The following UNC79 variants were observed in gnomAD, a reference collection of about 807,000 sequenced individuals.
The protein encoded by UNC79 is protein unc-79 homolog.
Under a neutral mutation model 283.1 loss-of-function variants are expected in UNC79, and 37 were observed. The ratio of observed to expected loss-of-function variants is 0.13; its 90% CI spans 0.10 to 0.17. The LOEUF (loss-of-function observed/expected upper bound fraction) is 0.17, where lower values mean the gene tolerates loss of function less well. UNC79 is among the 10% of genes least tolerant of loss of function. The pLI, the probability that UNC79 is intolerant of heterozygous loss-of-function variation, is 1.00. For missense variants in UNC79, 2,272 were observed against 3,211.1 expected, an observed-to-expected ratio of 0.71 and a Z score of 7.07; for synonymous variants, 1,107 against 1,200.2, an observed-to-expected ratio of 0.92 and a Z score of 1.61.
At chr14:93,674,018 A>C (rs1237536755) in intron 41 of UNC79, among the ~76,000 whole-genome samples, 1 of 152,178 alleles carries the variant, frequency 6.6e-6, no homozygotes, top group Non-Finnish European at 1.5e-5. Flanking sequence ...AGAACTGGCA[A>C]CAATTATGCT....
chr14:93,543,906 G>A (rs1055182632), intron 14 of UNC79, among the ~76,000 whole-genome samples: 1 of 152,104 alleles, frequency 6.6e-6, no homozygotes, highest in East Asian at 1.9e-4. Context: ...AACTTTTATT[G>A]GATTTTCAGG....
At chr14:93,490,109 G>T (rs1303297761) in intron 5 of UNC79, among the ~76,000 whole-genome samples, 1 of 152,166 alleles carries the variant, frequency 6.6e-6, no homozygotes, top group Non-Finnish European at 1.5e-5. Flanking sequence ...TCTCAAAAGT[G>T]CTGGTGGCCT....
chr14:93,399,508 A>C (rs2055064669), intron 1 of UNC79, among the ~76,000 whole-genome samples: 2 of 152,034 alleles, frequency 1.3e-5, no homozygotes, highest in Admixed American at 6.6e-5. Flanking sequence ...CTTTTTTTCC[A>C]CCCATTTTTC....
chr14:93,463,672 G>C (rs892238688), intron 1 of UNC79, among the ~76,000 whole-genome samples: 1 of 152,106 alleles, frequency 6.6e-6, no homozygotes, highest in African/African-American at 2.4e-5. Context: ...TGTATACCAG[G>C]CACTGTGCAA....
chr14:93,630,315 A>G (rs1159411427), intron 30 of UNC79, among the ~76,000 whole-genome samples: 1 of 152,218 alleles, frequency 6.6e-6, no homozygotes, highest in East Asian at 1.9e-4. Flanking sequence ...CACCTGACCC[A>G]GCATTTTTGT....
intron 48 of UNC79, among the ~76,000 whole-genome samples, chr14:93,705,965 G>A (rs1417741398): frequency 6.6e-6 from 1 of 152,116 alleles, no homozygotes; most frequent in Non-Finnish European, 1.5e-5. Context: ...GGCGGCCGTC[G>A]GGGGCATGGG....
At chr14:93,582,052 G>T (rs1791444039) in intron 19 of UNC79, 151 bp from the exon 20 acceptor site, 22 of 1,066,718 alleles carry the variant, frequency 2.1e-5, no homozygotes, top group East Asian at 1.2e-4. Flanking sequence ...AAGCTCCAGG[G>T]TCTTCTGGGG....
intron 1 of UNC79, chr14:93,437,421 G>A (rs2056127059): frequency 6.6e-6 from 1 of 151,988 alleles, no homozygotes; most frequent in Admixed American, 6.6e-5. Context: ...ACTTTTCACA[G>A]ATTTATGTGT....
rs140642674 is a variant in UNC79 at position 93,558,326 on chromosome 14, G to A, written c.1756-13568G>A. Among the ~76,000 whole-genome samples, 806 of 152,302 alleles carry A rather than the reference G, an allele frequency of 5.3e-3. 5 individuals carry two copies. The highest frequency in any genetic ancestry group is 0.018 in the African/African-American group (767 of 41,552). On this transcript the variant is annotated intron_variant, in intron 14 of 48. Coordinates refer to ENST00000555664, the Ensembl canonical transcript of UNC79. ...AATCCCAGCACTTTGGGAGGCTGAG[G>A]CGGGCAGATCATGAGGTCAGGAGAT...
intron 1 of UNC79, among the ~76,000 whole-genome samples, chr14:93,386,972 TG>T (rs2054790943): frequency 6.9e-6 from 1 of 145,504 alleles, no homozygotes; most frequent in African/African-American, 2.6e-5. Context: ...GACGGAGTTT[TG>T]CTCTTCTTGC....
chr14:93,493,895 ATATATATT>A (rs1393908686), intron 5 of UNC79, among the ~76,000 whole-genome samples: 2 of 35,542 alleles, frequency 5.6e-5, no homozygotes, highest in African/African-American at 1.8e-4. Context: ...ATATATATAT[ATATATATT>A]TTTTTTTTTT....
In UNC79 at chr14:93,636,716, G is replaced by A. The variant is rs141973892; in HGVS notation, c.5717-500G>A. On this transcript the variant is annotated intron_variant, in intron 31 of 48. Coordinates refer to ENST00000555664, the Ensembl canonical transcript of UNC79. Reference sequence around the variant, plus strand: ...TTTCATGTGAACAAACATTTTTGAAGCACCATGCCTCCATTTTTGCCCCCT... The same window carrying A: ...TTTCATGTGAACAAACATTTTTGAAACACCATGCCTCCATTTTTGCCCCCT... Among the ~76,000 whole-genome samples the A allele has an allele frequency of 1.0e-3, 155 of 152,192 alleles. 1 individual carries two copies. Among genetic ancestry groups the A allele is most frequent in the African/African-American group, 3.6e-3 (148 of 41,516 alleles).
At chr14:93,614,458 A>G (rs1298129840) in intron 27 of UNC79, among the ~76,000 whole-genome samples, 1 of 151,942 alleles carries the variant, frequency 6.6e-6, no homozygotes, top group Admixed American at 6.6e-5. Flanking sequence ...CTGGGATCAC[A>G]GGCACCCGCC....
chr14:93,532,981 A>G (rs2060900246), intron 11 of UNC79, among the ~76,000 whole-genome samples: 2 of 152,162 alleles, frequency 1.3e-5, no homozygotes, highest in South Asian at 2.1e-4. Flanking sequence ...TGTGTGAAAA[A>G]CATACCCAGA....
At chr14:93,574,192 G>A in intron 16 of UNC79, among the ~76,000 whole-genome samples, 1 of 46,498 alleles carries the variant, frequency 2.2e-5, no homozygotes. Context: ...AGCCCATACA[G>A]CTTTGTCCCC....
chr14:93,352,899 C>T (rs371587091), intron 1 of UNC79, among the ~76,000 whole-genome samples: 14 of 152,312 alleles, frequency 9.2e-5, no homozygotes, highest in East Asian at 7.7e-4. Flanking sequence ...CTACCTTAAA[C>T]GTGCTCAGAA....
chr14:93,707,179 G>GAA, downstream of UNC79: 9 of 336,014 alleles, frequency 2.7e-5, no homozygotes, highest in Non-Finnish European at 4.8e-5. Context: ...TTTTTTTTAA[G>GAA]AAAAAAAAAT....
rs544319296 is a variant in UNC79 at position 93,617,360 on chromosome 14, A to T, written c.4224+56A>T. ...GCAATGGTTCTCTTAGAGAGCATAT[A>T]GCATTAGGAGAACACCTGAGTCTTT... On this transcript the variant is annotated intron_variant, in intron 28 of 48. Coordinates refer to ENST00000555664, the Ensembl canonical transcript of UNC79. The surrounding 1 kb of genome is among the most constrained non-coding windows in gnomAD (Gnocchi z 4.5). The T allele has an allele frequency of 1.2e-4, 191 of 1,541,776 alleles. 1 individual carries two copies. In the African/African-American group the frequency reaches 1.5e-3, roughly 12 times the overall value.
chr14:93,482,010 G>C (rs1490570933), intron 4 of UNC79, among the ~76,000 whole-genome samples: 1 of 152,164 alleles, frequency 6.6e-6, no homozygotes, highest in East Asian at 1.9e-4. Flanking sequence ...ATAACTTCCT[G>C]TGTCTACATC....
Sources: allele counts gnomAD v4.1 joint callset (sites outside exome capture counted in the v4.1 genomes callset), GRCh38; gene constraint gnomAD v4.1.1; non-coding constraint Gnocchi (gnomAD v3.1); transcripts MANE v1.5; gene names NCBI Gene and HGNC (gene_info 2026-07-23, HGNC 2026-07-21).